The following LGR4 variants were observed in gnomAD, a reference collection of about 807,000 sequenced individuals.
LGR4 encodes leucine-rich repeat-containing G protein-coupled receptor 4.
LGR4 carries 44 observed loss-of-function variants against 84.8 expected under a neutral mutation model. That is an observed-to-expected ratio of 0.52 (90% CI 0.41 to 0.67). The LOEUF (loss-of-function observed/expected upper bound fraction) is 0.67, where lower values mean the gene tolerates loss of function less well. Ranked by LOEUF, LGR4 falls within the 30% of genes least tolerant of loss-of-function variation. The probability of loss-of-function intolerance (pLI) is 0.00; values close to 1 mark genes in which losing one functional copy is unlikely to be tolerated. For synonymous variants in LGR4, 429 were observed against 434.3 expected, an observed-to-expected ratio of 0.99 and a Z score of 0.15; for missense variants, 1,032 against 1,131.4, an observed-to-expected ratio of 0.91 and a Z score of 1.26.
intron 4 of LGR4, 104 bp from the exon 5 acceptor site, chr11:27,385,572 A>G (rs953706738): frequency 4.4e-6 from 3 of 677,496 alleles, no homozygotes; most frequent in Non-Finnish European, 7.2e-6. Flanking sequence ...ACTTATAAAA[A>G]TTATCATCTT....
chr11:27,392,568 T>C (rs1213921012), intron 2 of LGR4, 50 bp from the exon 3 acceptor site: 1 of 1,460,912 alleles, frequency 6.8e-7, no homozygotes, highest in Non-Finnish European at 9.2e-7. Flanking sequence ...TAATTCAGAC[T>C]TAAAATTCAG....
intron 16 of LGR4, 87 bp from the exon 17 acceptor site, chr11:27,371,785 G>C (rs756948078): frequency 3.4e-6 from 3 of 876,168 alleles, no homozygotes; most frequent in Middle Eastern, 3.4e-4. Context: ...CTGTATATAA[G>C]TGTGAGTTCT....
rs1863276682 is a variant in LGR4 at position 27,391,116 on chromosome 11, C to G, written c.379G>C (p.Gly127Arg). 4 of 1,609,786 alleles carry G rather than the reference C, an allele frequency of 2.5e-6. No homozygotes were observed. Among genetic ancestry groups the G allele is most frequent in the Non-Finnish European group, 3.4e-6 (4 of 1,177,754 alleles). Reference sequence around the variant, plus strand: ...TACAAAGACTGCAAAGCACTCAGCCCTCGAATGGCTTCACTGGGTACTGTT... The same window carrying G: ...TACAAAGACTGCAAAGCACTCAGCCGTCGAATGGCTTCACTGGGTACTGTT... ...LKTVPSEAIR[G>R]LSALQSLRLD... The change falls in exon 4 of 18, where the codon GGG (glycine) becomes CGG (arginine). Residue 127 changes from glycine to arginine, a missense_variant. Coordinates refer to ENST00000379214, the MANE Select transcript of LGR4 (RefSeq NM_018490.5).
rs958998026 is a variant in LGR4 at position 27,366,873 on chromosome 11, A to G, written c.*994T>C. 3.3e-5 allele frequency: 5 copies of G among 152,182 alleles called. No homozygotes were observed. Among genetic ancestry groups the G allele is most frequent in the Non-Finnish European group, 5.9e-5 (4 of 67,996 alleles). The allele number at this position is 152,182 out of a possible 1,614,324, so 9.4% of individuals were successfully genotyped here. ...TAATCCAGCTCACTAAGAAATAAACATAAGTACTTCGTGTCATAATTACTC... is the reference window on the plus strand; with the variant it reads ...TAATCCAGCTCACTAAGAAATAAACGTAAGTACTTCGTGTCATAATTACTC... On this transcript the variant is annotated 3_prime_UTR_variant, in exon 18 of 18. Coordinates refer to ENST00000379214, the MANE Select transcript of LGR4 (RefSeq NM_018490.5).
intron 2 of LGR4, among the ~76,000 whole-genome samples, chr11:27,407,432 T>G (rs886601260): frequency 6.6e-6 from 1 of 152,134 alleles, no homozygotes; most frequent in East Asian, 1.9e-4. Context: ...TGAGCACAGT[T>G]AGGTTTTCCA....
chr11:27,384,983 G>A (rs1354881318), intron 5 of LGR4, among the ~76,000 whole-genome samples: 2 of 152,122 alleles, frequency 1.3e-5, no homozygotes, highest in African/African-American at 2.4e-5. Flanking sequence ...TGGGACACAC[G>A]TAAAAGCTGT....
At chr11:27,428,028 T>C (rs1479669999) in intron 1 of LGR4, among the ~76,000 whole-genome samples, 1 of 152,220 alleles carries the variant, frequency 6.6e-6, no homozygotes, top group African/African-American at 2.4e-5. Context: ...CCTGGATTCA[T>C]ATTTTCTTGC....
At chr11:27,409,677 T>A (rs1024954412) in intron 2 of LGR4, among the ~76,000 whole-genome samples, 1 of 152,150 alleles carries the variant, frequency 6.6e-6, no homozygotes, top group African/African-American at 2.4e-5. Context: ...TTTCCATATG[T>A]ACCCTTTAGT....
intron 3 of LGR4, 24 bp from the exon 4 acceptor site, chr11:27,391,189 G>A (rs1310729325): frequency 7.4e-7 from 1 of 1,343,980 alleles, no homozygotes; most frequent in Non-Finnish European, 1.0e-6. Flanking sequence ...TTTGGTTAGT[G>A]AGTAACAAGT....
At chr11:27,389,838 C>G (rs1257823133) in intron 4 of LGR4, among the ~76,000 whole-genome samples, 3 of 152,016 alleles carry the variant, frequency 2.0e-5, no homozygotes, top group Non-Finnish European at 4.4e-5. Context: ...GGAACTCATT[C>G]CCATTGATTC....
rs1210476207 is a variant in LGR4, at chr11:27,431,477, T to TA, written c.186-18618dup. Among the ~76,000 whole-genome samples, 6 of 152,316 alleles carry TA rather than the reference T, an allele frequency of 3.9e-5. No homozygotes were observed. The South Asian group carries it at 1.2e-3, about 32-fold the overall frequency. ...CCCTAGCCCAACACCTAACATACTA[T>TA]AAACATTCACGGGGAGGAGATATCC... On this transcript the variant is annotated intron_variant, in intron 1 of 17. Transcript: ENST00000379214.
At chr11:27,453,511 T>C (rs1864521291) in intron 1 of LGR4, among the ~76,000 whole-genome samples, 1 of 152,222 alleles carries the variant, frequency 6.6e-6, no homozygotes, top group South Asian at 2.1e-4. Flanking sequence ...TTCATCTTGC[T>C]TTATTTTCCT....
At chr11:27,463,874 T>C (rs1219295295) in intron 1 of LGR4, among the ~76,000 whole-genome samples, 1 of 152,262 alleles carries the variant, frequency 6.6e-6, no homozygotes, top group South Asian at 2.1e-4. Context: ...TGAACTCTGA[T>C]TAAATTAAGT....
intron 1 of LGR4, among the ~76,000 whole-genome samples, chr11:27,470,118 T>C (rs1021951168): frequency 6.6e-6 from 1 of 152,118 alleles, no homozygotes; most frequent in Non-Finnish European, 1.5e-5. Flanking sequence ...TAAAACACAT[T>C]TGCACACCAC....
chr11:27,373,601 G>T lies in LGR4; in HGVS notation c.1329C>A (p.Gly443=), dbSNP rs780823337. ...LNGLNQLKLV[G]NFKLKEALAA... is the part of the protein sequence containing the mutation. ...CTAAGGCTTCTTTCAGCTTGAAGTT[G>T]CCCACAAGTTTCAGTTGATTTAGCC... Residue 443 remains glycine (G), a synonymous_variant, in exon 15 of 18, where the codon GGC becomes GGA. Coordinates refer to ENST00000379214, the MANE Select transcript of LGR4 (RefSeq NM_018490.5). 1 of 1,602,532 alleles carries T rather than the reference G, an allele frequency of 6.2e-7. No individual in the cohort carries two copies.
At chr11:27,447,934 AT>A (rs1864418737) in intron 1 of LGR4, among the ~76,000 whole-genome samples, 1 of 152,232 alleles carries the variant, frequency 6.6e-6, no homozygotes, top group African/African-American at 2.4e-5. Flanking sequence ...TGCATGTTAT[AT>A]TTAATATACT....
At chr11:27,427,650 C>A (rs1864046356) in intron 1 of LGR4, among the ~76,000 whole-genome samples, 1 of 152,190 alleles carries the variant, frequency 6.6e-6, no homozygotes, top group Non-Finnish European at 1.5e-5. Context: ...ACAATTCCTA[C>A]ACCTTTGCAA....
chr11:27,381,714 A>T (rs935736020), intron 7 of LGR4, among the ~76,000 whole-genome samples: 6 of 152,072 alleles, frequency 3.9e-5, no homozygotes, highest in Non-Finnish European at 8.8e-5. Flanking sequence ...ATCAAAAAAA[A>T]AAATAAAAAC....
chr11:27,414,805 G>A (rs868723447), intron 1 of LGR4, among the ~76,000 whole-genome samples: 5 of 152,066 alleles, frequency 3.3e-5, no homozygotes, highest in Admixed American at 1.3e-4. Context: ...GCCATTGTAC[G>A]ATAGTGGGCC....
Sources: gnomAD v4.1 joint callset for allele counts (sites outside exome capture counted in the v4.1 genomes callset) on GRCh38, gnomAD v4.1.1 for gene constraint, MANE v1.5 for transcripts, NCBI Gene and HGNC (gene_info 2026-07-23, HGNC 2026-07-21) for gene names.